The following KHDRBS2 variants were observed in gnomAD, a reference collection of about 807,000 sequenced individuals.
KHDRBS2 encodes KH RNA binding domain containing, signal transduction associated 2, also known as KH domain-containing, RNA-binding, signal transduction-associated protein 2.
Under a neutral mutation model 44.3 loss-of-function variants are expected in KHDRBS2, and 26 were observed. The ratio of observed to expected loss-of-function variants is 0.59; its 90% CI spans 0.43 to 0.81. The LOEUF is 0.81. Among genes scored for constraint, KHDRBS2 ranks in the 40% least tolerant of loss-of-function variants. The pLI, the probability that KHDRBS2 is intolerant of heterozygous loss-of-function variation, is 0.00. For synonymous variants in KHDRBS2, 194 were observed against 151.1 expected, an observed-to-expected ratio of 1.28 and a Z score of -2.08; for missense variants, 476 against 433.1, an observed-to-expected ratio of 1.10 and a Z score of -0.88.
chr6:61,730,817 TATATATATGTGTGTGTGTGTGTG>T lies in KHDRBS2; in HGVS notation c.893+1842_893+1864del, dbSNP rs1228087461. 3.9e-5 allele frequency among the ~76,000 whole-genome samples: 6 copies of T among 151,946 alleles called. No individual in the cohort carries two copies. In the East Asian group the frequency reaches 1.2e-3, roughly 29 times the overall value. ...TTCTAAAATTATTGTATACAGCCAT[TATATATATGTGTGTGTGTGTGTG>T]TGTTCAACAATTCTAACATTCACTT... On this transcript the variant is annotated intron_variant, in intron 7 of 8. Transcript: ENST00000281156.
At chr6:61,736,385 G>C (rs1050331576) in intron 6 of KHDRBS2, among the ~76,000 whole-genome samples, 7 of 151,926 alleles carry the variant, frequency 4.6e-5, no homozygotes, top group Admixed American at 3.9e-4. Flanking sequence ...GGAGCTGCAA[G>C]ATTCAGGGCA....
At chr6:61,774,408 G>T (rs1416732893) in intron 6 of KHDRBS2, among the ~76,000 whole-genome samples, 1 of 151,966 alleles carries the variant, frequency 6.6e-6, no homozygotes, top group Admixed American at 6.6e-5. Flanking sequence ...CATTGTCTCA[G>T]CCCATAATCT....
chr6:62,191,694 T>C (rs759947928), intron 1 of KHDRBS2, among the ~76,000 whole-genome samples: 22 of 152,004 alleles, frequency 1.4e-4, no homozygotes, highest in Non-Finnish European at 2.8e-4. Flanking sequence ...AATGTGAAAA[T>C]TTCATAAAAC....
intron 3 of KHDRBS2, 45 bp downstream of exon 3, chr6:62,047,833 G>C (rs1232147123): frequency 7.9e-7 from 1 of 1,263,330 alleles, no homozygotes. Context: ...CAGTGTTATA[G>C]GTAACCTCCT....
At chr6:61,625,217 T>G in the KHDRBS2 span, among the ~76,000 whole-genome samples, 3 of 151,732 alleles carry the variant, frequency 2.0e-5, no homozygotes, top group African/African-American at 7.3e-5. Flanking sequence ...ATCCAGGTCA[T>G]GTCACCAGGT....
chr6:62,147,101 G>A (rs974507924), intron 2 of KHDRBS2, among the ~76,000 whole-genome samples: 1 of 151,766 alleles, frequency 6.6e-6, no homozygotes, highest in African/African-American at 2.4e-5. Context: ...CCCTACAATT[G>A]GTTTCTGTTC....
intron 3 of KHDRBS2, among the ~76,000 whole-genome samples, chr6:61,984,266 T>A (rs898688101): frequency 6.6e-6 from 1 of 152,190 alleles, no homozygotes; most frequent in African/African-American, 2.4e-5. Flanking sequence ...GCTTCAATCA[T>A]TAATCTTTTT....
intron 6 of KHDRBS2, among the ~76,000 whole-genome samples, chr6:61,787,308 G>T (rs1042575103): frequency 1.3e-5 from 2 of 151,552 alleles, no homozygotes; most frequent in African/African-American, 4.8e-5. Context: ...AACTGCCAAA[G>T]GGTGTCCATC....
At chr6:62,124,669 C>A (rs1305169219) in intron 2 of KHDRBS2, among the ~76,000 whole-genome samples, 1 of 151,632 alleles carries the variant, frequency 6.6e-6, no homozygotes, top group Non-Finnish European at 1.5e-5. Context: ...GATTCCATTT[C>A]TTTGCTATTG....
intron 6 of KHDRBS2, among the ~76,000 whole-genome samples, chr6:61,815,205 T>A (rs1788725405): frequency 6.6e-6 from 1 of 152,104 alleles, no homozygotes; most frequent in Non-Finnish European, 1.5e-5. Flanking sequence ...GTAGCAAGCA[T>A]GTGGCATATA....
chr6:61,574,539 G>A, the KHDRBS2 span: 20 of 551,010 alleles, frequency 3.6e-5, no homozygotes, highest in Admixed American at 2.6e-4. Flanking sequence ...CCCAACCTCC[G>A]AGCAACATAT....
intron 3 of KHDRBS2, among the ~76,000 whole-genome samples, chr6:62,027,793 A>T (rs1783639879): frequency 6.6e-6 from 1 of 152,106 alleles, no homozygotes; most frequent in South Asian, 2.1e-4. Context: ...TAGAGAGGGC[A>T]TGGAAGTTCT....
At chr6:61,655,993 A>G in the KHDRBS2 span, among the ~76,000 whole-genome samples, 2 of 152,074 alleles carry the variant, frequency 1.3e-5, no homozygotes, top group African/African-American at 2.4e-5. Context: ...GTAACTGCCT[A>G]GAGAGAAATC....
At chr6:61,556,966 G>A in the KHDRBS2 span, among the ~76,000 whole-genome samples, 4 of 133,842 alleles carry the variant, frequency 3.0e-5, no homozygotes, top group Admixed American at 2.7e-4. Context: ...GTTGCCAACA[G>A]CTTTATTTAT....
At chr6:61,660,745 A>G in the KHDRBS2 span, among the ~76,000 whole-genome samples, 2 of 151,840 alleles carry the variant, frequency 1.3e-5, no homozygotes, top group East Asian at 2.0e-4. Context: ...GGAAGTCCCT[A>G]TATCTTGGCC....
intron 6 of KHDRBS2, among the ~76,000 whole-genome samples, chr6:61,852,562 CAAAA>C (rs773776834): frequency 1.4e-5 from 1 of 70,220 alleles, no homozygotes. Context: ...GACTCCGTCT[CAAAA>C]AAAAAAAAAA....
chr6:61,936,089 G>T (rs554554561), intron 4 of KHDRBS2, among the ~76,000 whole-genome samples: 2 of 151,814 alleles, frequency 1.3e-5, no homozygotes, highest in Admixed American at 6.6e-5. Context: ...AAATCTTTTC[G>T]CAATGTGCCC....
At chr6:61,945,107 A>ATGTAT (rs1562490070) in intron 4 of KHDRBS2, among the ~76,000 whole-genome samples, 1 of 37,402 alleles carries the variant, frequency 2.7e-5, no homozygotes, top group Non-Finnish European at 5.4e-5. Context: ...AAAAAAAAAA[A>ATGTAT]AAAAAGTATA....
intron 6 of KHDRBS2, among the ~76,000 whole-genome samples, chr6:61,757,438 C>G (rs1046036108): frequency 1.3e-5 from 2 of 152,038 alleles, no homozygotes; most frequent in Non-Finnish European, 2.9e-5. Flanking sequence ...TACTTTTTTG[C>G]ATCCTTTATA....
Sources: gnomAD v4.1 joint callset for allele counts (sites outside exome capture counted in the v4.1 genomes callset) on GRCh38, gnomAD v4.1.1 for gene constraint, MANE v1.5 for transcripts, NCBI Gene and HGNC (gene_info 2026-07-23, HGNC 2026-07-21) for gene names.